The following THRB variants were observed in gnomAD, a reference collection of about 807,000 sequenced individuals.
The protein encoded by THRB is nuclear receptor subfamily 1 group A member 2.
A neutral mutation model predicts 47.8 loss-of-function variants in THRB; 12 were observed. The observed-to-expected ratio is 0.25, with a 90% CI of 0.16 to 0.41. THRB has a LOEUF of 0.41. Ranked by LOEUF, THRB falls within the 10% of genes least tolerant of loss-of-function variation. THRB has a pLI of 1.00. For synonymous variants in THRB, 218 were observed against 212.2 expected (o/e 1.03, Z -0.24); for missense variants, 348 against 589.2 (o/e 0.59, Z 4.24).
intron 5 of THRB, among the ~76,000 whole-genome samples, chr3:24,167,837 T>C (rs2039849663): frequency 6.6e-6 from 1 of 152,140 alleles, no homozygotes; most frequent in Non-Finnish European, 1.5e-5. Flanking sequence ...TAAAAATAAT[T>C]TTCAGAAATC....
At chr3:24,321,982 C>T (rs2058516872) in intron 2 of THRB, among the ~76,000 whole-genome samples, 1 of 151,226 alleles carries the variant, frequency 6.6e-6, no homozygotes, top group Admixed American at 6.6e-5. Context: ...AATGTGGTTA[C>T]TAGGAAATTT....
chr3:24,314,992 C>G (rs960517464), intron 2 of THRB, among the ~76,000 whole-genome samples: 1 of 152,188 alleles, frequency 6.6e-6, no homozygotes, highest in Non-Finnish European at 1.5e-5. Flanking sequence ...CCTCCTTCCT[C>G]TCCCTGCCCC....
intron 1 of THRB, among the ~76,000 whole-genome samples, chr3:24,424,081 T>C (rs1163070543): frequency 6.6e-6 from 1 of 151,884 alleles, no homozygotes; most frequent in African/African-American, 2.4e-5. Flanking sequence ...AGCTTTTTAA[T>C]TTCTGAAATA....
At chr3:24,428,298 G>A (rs2150357990) in intron 1 of THRB, among the ~76,000 whole-genome samples, 1 of 152,142 alleles carries the variant, frequency 6.6e-6, no homozygotes, top group South Asian at 2.1e-4. Context: ...ATTGGACAGT[G>A]TTGCTATTCT....
chr3:24,137,752 A>C (rs904937241), intron 8 of THRB, among the ~76,000 whole-genome samples: 3 of 152,200 alleles, frequency 2.0e-5, no homozygotes, highest in Non-Finnish European at 2.9e-5. Flanking sequence ...GGCTGTAAAC[A>C]GGGCATAGAC....
chr3:24,379,007 C>A (rs1441796661), intron 1 of THRB, among the ~76,000 whole-genome samples: 1 of 151,982 alleles, frequency 6.6e-6, no homozygotes, highest in Admixed American at 6.6e-5. Context: ...CTCATTTAAC[C>A]CTTATAGCAA....
At chr3:24,388,993 C>A (rs2066345366) in intron 1 of THRB, among the ~76,000 whole-genome samples, 1 of 152,112 alleles carries the variant, frequency 6.6e-6, no homozygotes, top group African/African-American at 2.4e-5. Flanking sequence ...ATAGAAAACT[C>A]CCATCTCTAC....
chr3:24,377,883 C>T (rs1391897477), intron 1 of THRB, among the ~76,000 whole-genome samples: 2 of 152,008 alleles, frequency 1.3e-5, no homozygotes, highest in African/African-American at 2.4e-5. Context: ...AGCTAGATAA[C>T]AGGTTTAATG....
Position 24,428,992 on chromosome 3 carries a change from T to G in THRB, c.-261+65660A>C, listed in dbSNP as rs73032354. 8.5e-3 allele frequency among the ~76,000 whole-genome samples: 1,290 copies of G among 151,994 alleles called. 8 individuals are homozygous for G. Among genetic ancestry groups the G allele is most frequent in the Non-Finnish European group, 0.011 (762 of 67,936 alleles). On this transcript the variant is annotated intron_variant, in intron 1 of 10. Coordinates refer to ENST00000646209, the MANE Select transcript of THRB (RefSeq NM_001354712.2). ...AAAACAAACAAGCAATAAATAATTG[T>G]TTTGATATATAAGAAAATTAAATTT...
chr3:24,485,114 A>G (rs183594526), intron 1 of THRB, among the ~76,000 whole-genome samples: 85 of 152,344 alleles, frequency 5.6e-4, no homozygotes, highest in Non-Finnish European at 9.4e-4. Context: ...TGTCAATGCT[A>G]TTTCAATGTA....
At chr3:24,247,536 T>C (rs1202985891) in intron 3 of THRB, among the ~76,000 whole-genome samples, 1 of 152,220 alleles carries the variant, frequency 6.6e-6, no homozygotes, top group Admixed American at 6.5e-5. Context: ...GCAAATCCTT[T>C]ATGCTCTAAA....
intron 5 of THRB, among the ~76,000 whole-genome samples, chr3:24,187,741 A>G (rs1420258336): frequency 1.3e-5 from 2 of 152,236 alleles, no homozygotes; most frequent in Non-Finnish European, 2.9e-5. Context: ...TAGTAACTAT[A>G]TAGAGCTGAC....
rs1438223153 is a variant in THRB at position 24,204,588 on chromosome 3, C to T, written c.23-14254G>A. Among the ~76,000 whole-genome samples, 3 of 152,154 alleles carry T rather than the reference C, an allele frequency of 2.0e-5. No homozygotes were observed. In the East Asian group the frequency reaches 5.8e-4, roughly 29 times the overall value. On this transcript the variant is annotated intron_variant, in intron 4 of 10. Coordinates refer to ENST00000646209, the MANE Select transcript of THRB (RefSeq NM_001354712.2). ...CAGAAAAGCTGAAAATTCTAAATAT[C>T]AGAGCTCCTCTCCCCCTCCAAAGGA...
chr3:24,442,072 T>C (rs1162597335), intron 1 of THRB, among the ~76,000 whole-genome samples: 2 of 152,202 alleles, frequency 1.3e-5, no homozygotes, highest in Non-Finnish European at 2.9e-5. Flanking sequence ...GTATCCTTTT[T>C]TCAGGGACTC....
chr3:24,171,161 A>G (rs1157021161), intron 5 of THRB, among the ~76,000 whole-genome samples: 1 of 152,228 alleles, frequency 6.6e-6, no homozygotes, highest in Non-Finnish European at 1.5e-5. Context: ...AAATGTAAAG[A>G]AGCATGAGTC....
At chr3:24,255,577 G>A (rs2051176107) in intron 3 of THRB, among the ~76,000 whole-genome samples, 1 of 152,166 alleles carries the variant, frequency 6.6e-6, no homozygotes, top group Admixed American at 6.5e-5. Flanking sequence ...TCCCAGAAGT[G>A]CCAACTAGAA....
intron 1 of THRB, among the ~76,000 whole-genome samples, chr3:24,402,103 C>G (rs945815443): frequency 6.6e-6 from 1 of 151,972 alleles, no homozygotes; most frequent in African/African-American, 2.4e-5. Flanking sequence ...GAAAACAGAG[C>G]TCTGCCCCCA....
At chr3:24,417,243 T>C (rs888631903) in intron 1 of THRB, among the ~76,000 whole-genome samples, 10 of 151,842 alleles carry the variant, frequency 6.6e-5, no homozygotes, top group Non-Finnish European at 1.0e-4. Flanking sequence ...CATATAATTG[T>C]GTATTTATGC....
chr3:24,427,475 T>C (rs1428531114), intron 1 of THRB, among the ~76,000 whole-genome samples: 1 of 152,012 alleles, frequency 6.6e-6, no homozygotes. Context: ...GATTGTGTGC[T>C]TTTTATAACC....
Sources: gnomAD v4.1 joint callset for allele counts (sites outside exome capture counted in the v4.1 genomes callset) on GRCh38, gnomAD v4.1.1 for gene constraint, MANE v1.5 for transcripts, NCBI Gene and HGNC (gene_info 2026-07-23, HGNC 2026-07-21) for gene names.